Variants in CLASP2 observed in about 807,000 individuals in gnomAD.
CLASP2 encodes the protein cytoplasmic linker associated protein 2.
A neutral mutation model predicts 194.4 loss-of-function variants in CLASP2; 47 were observed. That is an observed-to-expected ratio of 0.24 (90% CI 0.19 to 0.31). The LOEUF (loss-of-function observed/expected upper bound fraction) is 0.31, where lower values mean the gene tolerates loss of function less well. Among genes scored for constraint, CLASP2 ranks in the 10% least tolerant of loss-of-function variants. The pLI, the probability that CLASP2 is intolerant of heterozygous loss-of-function variation, is 1.00. For missense variants in CLASP2, 1,445 were observed against 1,823.6 expected, an observed-to-expected ratio of 0.79 and a Z score of 3.78; for synonymous variants, 619 against 633.5, an observed-to-expected ratio of 0.98 and a Z score of 0.34.
chr3:33,610,889 T>C (rs1032962132), intron 13 of CLASP2, among the ~76,000 whole-genome samples: 1 of 152,226 alleles, frequency 6.6e-6, no homozygotes, highest in East Asian at 1.9e-4. Flanking sequence ...CCTAACACAG[T>C]ATTTAATTAA....
intron 7 of CLASP2, among the ~76,000 whole-genome samples, chr3:33,650,786 G>A (rs943534303): frequency 6.6e-6 from 1 of 151,738 alleles, no homozygotes; most frequent in Non-Finnish European, 1.5e-5. Flanking sequence ...GGGAGAAGGG[G>A]ACAAACAGGC....
Position 33,538,862 on chromosome 3 carries a change from T to C in CLASP2, c.3485A>G (p.Asn1162Ser). 1 of 1,608,508 alleles carries C rather than the reference T, an allele frequency of 6.2e-7. No individual in the cohort carries two copies. Among genetic ancestry groups the C allele is most frequent in the South Asian group, 1.1e-5 (1 of 89,858 alleles). Residue 1162 changes from asparagine (N) to serine (S), a missense_variant, in exon 33 of 39, where the codon AAT becomes AGT. Physicochemically the swap from Asn to Ser is conservative, Grantham distance 46. Around this residue, in one of 4 missense-constraint regions of CLASP2, gnomAD observed 732 missense variants for 987.9 expected, o/e 0.74. Coordinates refer to ENST00000682230, the MANE Select transcript of CLASP2 (RefSeq NM_001365631.1). ...ATCTTCTTGGCTACGGAAGCTGAAA[T>C]TCTGGATTGCTTCAGTGACACCTCT... ...SLRGVTEAIQNFSFRSQEDMN... is the reference protein window; with the variant it reads ...SLRGVTEAIQSFSFRSQEDMN...
chr3:33,509,427 C>T (rs1359341572), intron 37 of CLASP2, among the ~76,000 whole-genome samples: 3 of 152,160 alleles, frequency 2.0e-5, no homozygotes. Flanking sequence ...GTTGGTCAAC[C>T]TGGTCTTGAA....
chr3:33,513,620 TA>T (rs1482955351), intron 36 of CLASP2, among the ~76,000 whole-genome samples: 2 of 152,210 alleles, frequency 1.3e-5, no homozygotes, highest in Non-Finnish European at 2.9e-5. Flanking sequence ...TGAAATCTCT[TA>T]AAAAAGTAAT....
chr3:33,688,394 A>T (rs577871685), intron 3 of CLASP2, 26 bp from the exon 4 acceptor site: 3 of 1,500,120 alleles, frequency 2.0e-6, no homozygotes, highest in Admixed American at 2.1e-5. Context: ...GTAAAAACGT[A>T]TAACAAAAAA....
At chr3:33,515,890 C>G in intron 36 of CLASP2, 133 bp downstream of exon 36, 1 of 778,234 alleles carries the variant, frequency 1.3e-6, no homozygotes, top group Non-Finnish European at 1.9e-6. Context: ...ATGCTTGCAT[C>G]TCGATCAGGT....
intron 21 of CLASP2, among the ~76,000 whole-genome samples, chr3:33,587,106 G>A (rs1576820695): frequency 1.3e-5 from 2 of 152,000 alleles, no homozygotes; most frequent in East Asian, 3.8e-4. Flanking sequence ...TCCATGGGCT[G>A]GCGATCTGTG....
chr3:33,566,798 C>T (rs902371666), intron 26 of CLASP2, 64 bp from the exon 27 acceptor site: 4 of 426,904 alleles, frequency 9.4e-6, no homozygotes, highest in African/African-American at 8.3e-5. Context: ...AAGAAAAACA[C>T]ACAAATTAGT....
At chr3:33,531,396 C>T (rs1231503428) in intron 34 of CLASP2, among the ~76,000 whole-genome samples, 1 of 152,154 alleles carries the variant, frequency 6.6e-6, no homozygotes, top group African/African-American at 2.4e-5. Flanking sequence ...ATAGAAAAGA[C>T]ATTTTTCCAA....
At chr3:33,700,574 G>A (rs146035164) in intron 1 of CLASP2, among the ~76,000 whole-genome samples, 6 of 151,732 alleles carry the variant, frequency 4.0e-5, no homozygotes, top group East Asian at 3.9e-4. Context: ...GGCCAGGTGC[G>A]GTGGCTCATG....
rs187974142 is a variant in CLASP2 at position 33,545,116 on chromosome 3, T to C, written c.3154-275A>G. ...AAGTTAACCATGACGGTTTCCAGGG[T>C]TACTCTGTTACATACTACTACAGTA... On this transcript the variant is annotated intron_variant, in intron 30 of 38. Transcript: ENST00000682230. The C allele has an allele frequency of 7.5e-5, 18 of 238,978 alleles. No homozygotes were observed. In the Admixed American group the frequency reaches 9.7e-4, roughly 13 times the overall value. 14.8% of individuals were successfully genotyped at this position (238,978 alleles called of 1,614,324 possible). A position where few individuals can be genotyped will look rare whatever the true frequency, so the allele number is the denominator to read the frequency against.
chr3:33,586,625 C>T (rs557945292), intron 21 of CLASP2, among the ~76,000 whole-genome samples: 58 of 152,040 alleles, frequency 3.8e-4, no homozygotes, highest in Non-Finnish European at 7.2e-4. Flanking sequence ...TTTATGTCTA[C>T]GTTGAATAGA....
chr3:33,627,085 A>G lies in CLASP2; in HGVS notation c.943-5T>C. On this transcript the variant is annotated splice_region_variant and splice_polypyrimidine_tract_variant and intron_variant, in intron 9 of 38. Transcript: ENST00000682230. ...GAGTTCTCGACTAGAATAAATCTTA[A>G]AAAAAAGATTCAGAATTATAACAAT... The G allele has an allele frequency of 6.9e-7, 1 of 1,444,036 alleles. No individual in the cohort carries two copies. The highest frequency in any genetic ancestry group is 9.6e-7 in the Non-Finnish European group (1 of 1,045,540). The allele number at this position is 1,444,036 out of a possible 1,614,324, so 89.5% of individuals were successfully genotyped here. A position where few individuals can be genotyped will look rare whatever the true frequency, so the allele number is the denominator to read the frequency against.
chr3:33,524,382 C>T (rs576894688), intron 34 of CLASP2, among the ~76,000 whole-genome samples: 1 of 152,190 alleles, frequency 6.6e-6, no homozygotes, highest in African/African-American at 2.4e-5. Context: ...TTGGTGCATG[C>T]CTGTAATACT....
At chr3:33,530,728 T>G (rs1274190499) in intron 34 of CLASP2, among the ~76,000 whole-genome samples, 2 of 152,178 alleles carry the variant, frequency 1.3e-5, no homozygotes, top group Non-Finnish European at 2.9e-5. Flanking sequence ...AGTCTGACAC[T>G]GCATGAAATG....
At chr3:33,587,292 A>AT (rs2067625639) in intron 21 of CLASP2, among the ~76,000 whole-genome samples, 1 of 151,740 alleles carries the variant, frequency 6.6e-6, no homozygotes, top group South Asian at 2.1e-4. Flanking sequence ...CGCCCAGCTA[A>AT]TTTTTTGTAT....
intron 21 of CLASP2, among the ~76,000 whole-genome samples, chr3:33,591,064 T>C (rs2068681612): frequency 1.3e-5 from 2 of 152,112 alleles, no homozygotes; most frequent in South Asian, 4.2e-4. Flanking sequence ...TAGTCCCAGC[T>C]GCTTGAGAGG....
chr3:33,610,585 A>T (rs1039792735), intron 13 of CLASP2, among the ~76,000 whole-genome samples: 19 of 140,796 alleles, frequency 1.3e-4, no homozygotes, highest in Non-Finnish European at 2.5e-4. Context: ...CCTCAATGTA[A>T]GACGGGTTGG....
At chr3:33,567,389 G>A (rs1184440638) in intron 26 of CLASP2, among the ~76,000 whole-genome samples, 2 of 152,172 alleles carry the variant, frequency 1.3e-5, no homozygotes, top group East Asian at 1.9e-4. Flanking sequence ...AATTTCTACC[G>A]TAGTTGTCCA....
Sources: gnomAD v4.1 joint callset for allele counts (sites outside exome capture counted in the v4.1 genomes callset) on GRCh38, gnomAD v4.1.1 for gene constraint, gnomAD v4.1.1 regional missense constraint, MANE v1.5 for transcripts, NCBI Gene and HGNC (gene_info 2026-07-23, HGNC 2026-07-21) for gene names.